COPS2: variants seen among roughly 807,000 people sequenced by gnomAD.
The protein encoded by COPS2 is COP9 signalosome subunit 2.
Under a neutral mutation model 66.1 loss-of-function variants are expected in COPS2, and 10 were observed. The observed-to-expected ratio is 0.15, with a 90% CI of 0.09 to 0.26. The LOEUF (loss-of-function observed/expected upper bound fraction) is 0.26. Ranked by LOEUF, COPS2 falls within the 10% of genes least tolerant of loss-of-function variation. COPS2 has a pLI of 1.00. For missense variants in COPS2, 215 were observed against 513.3 expected (o/e 0.42, Z 5.62); for synonymous variants, 179 against 171.3 (o/e 1.04, Z -0.35).
At chr15:49,136,277 TA>T (rs1566883166) in intron 6 of COPS2, among the ~76,000 whole-genome samples, 2 of 152,194 alleles carry the variant, frequency 1.3e-5, no homozygotes, top group Admixed American at 1.3e-4. Context: ...TTTAAACTAG[TA>T]TTAAATGATG....
chr15:49,136,828 A>G (rs1304808714), intron 6 of COPS2, among the ~76,000 whole-genome samples: 1 of 151,968 alleles, frequency 6.6e-6, no homozygotes, highest in Non-Finnish European at 1.5e-5. Flanking sequence ...CTCTACAAAA[A>G]AATACAAAAA....
intron 1 of COPS2, among the ~76,000 whole-genome samples, chr15:49,147,674 G>C (rs1451271465): frequency 6.8e-6 from 1 of 147,608 alleles, no homozygotes; most frequent in Non-Finnish European, 1.5e-5. Flanking sequence ...GTAACTTCTG[G>C]GACCTGATAG....
intron 1 of COPS2, among the ~76,000 whole-genome samples, chr15:49,150,873 T>C (rs138774088): frequency 6.6e-6 from 1 of 152,208 alleles, no homozygotes; most frequent in African/African-American, 2.4e-5. Flanking sequence ...CTTATCTATA[T>C]AACTAACCTG....
chr15:49,153,862 T>A (rs2084380329), intron 1 of COPS2, among the ~76,000 whole-genome samples: 1 of 151,930 alleles, frequency 6.6e-6, no homozygotes, highest in African/African-American at 2.4e-5. Context: ...GAGAGTAGAA[T>A]GATAGGAAGG....
At chr15:49,136,000 G>T (rs2084248351) in intron 6 of COPS2, among the ~76,000 whole-genome samples, 1 of 152,146 alleles carries the variant, frequency 6.6e-6, no homozygotes, top group Non-Finnish European at 1.5e-5. Flanking sequence ...ACCTCCAGTT[G>T]GTTATGCATC....
chr15:49,129,683 T>G, intron 10 of COPS2, 124 bp from the exon 11 acceptor site: 1 of 433,508 alleles, frequency 2.3e-6, no homozygotes, highest in Non-Finnish European at 4.1e-6. Context: ...ATATAAAGTG[T>G]TTAGATTTTA....
intron 1 of COPS2, among the ~76,000 whole-genome samples, chr15:49,149,371 G>A (rs603868): frequency 0.53 from 79,986 of 152,092 alleles, 21,544 homozygotes; most frequent in Admixed American, 0.63. Context: ...ATACTGCTGG[G>A]AAATGTGTTC....
chr15:49,141,508 GAA>G (rs543158108), intron 3 of COPS2, among the ~76,000 whole-genome samples: 1 of 141,638 alleles, frequency 7.1e-6, no homozygotes, highest in Non-Finnish European at 1.6e-5. Flanking sequence ...CATCTCAAAA[GAA>G]AAAAAAAAAG....
rs1207048242 is a variant in COPS2, at chr15:49,137,354, G to A, written c.456C>T (p.Asn152=). The part of the protein sequence containing the change: ...AKNDRLWFKT[N]TKLGKLYLER... ...TAAGTATTATAACGGTTACCTTTGT[G>A]TTTGTCTTAAACCACAGTCTATCAT... Residue 152 remains asparagine, a synonymous_variant, in exon 5 of 13, where the codon AAC becomes AAT. Transcript: ENST00000388901. 1 of 1,607,098 alleles carries A rather than the reference G, an allele frequency of 6.2e-7. No homozygotes were observed. The highest frequency in any genetic ancestry group is 1.7e-5 in the Admixed American group (1 of 59,702).
chr15:49,139,661 A>T lies in COPS2; in HGVS notation c.247-8T>A. 1 of 1,578,316 alleles carries T rather than the reference A, an allele frequency of 6.3e-7. No individual in the cohort carries two copies. The highest frequency in any genetic ancestry group is 8.6e-7 in the Non-Finnish European group (1 of 1,164,298). ...CATTTCTGGAAAGTTTGTCTGTGAG[A>T]AAAGAAAAATGAATTATCAGATGCA... On this transcript the variant is annotated splice_region_variant and splice_polypyrimidine_tract_variant and intron_variant, in intron 3 of 12. Transcript: ENST00000388901.
chr15:49,129,306 T>TAAA (rs200431169), intron 11 of COPS2, among the ~76,000 whole-genome samples, 171 bp downstream of exon 11: 1 of 143,480 alleles, frequency 7.0e-6, no homozygotes, highest in African/African-American at 2.5e-5. Context: ...CCCTGTCTCT[T>TAAA]AAAAAAAAAA....
rs1294525120 is a variant in COPS2 at position 49,124,313 on chromosome 15, A to C, written c.*3637T>G. ...CTTGAACCCGGGAGGTGGAGGTGGC[A>C]GTGAACTGAGATTGCGCCACTGCAC... On this transcript the variant is annotated 3_prime_UTR_variant, in exon 13 of 13. Transcript: ENST00000388901. 6.6e-6 allele frequency: 1 copy of C among 152,222 alleles called. No homozygotes were observed. The highest frequency in any genetic ancestry group is 6.5e-5 in the Admixed American group (1 of 15,272). 9.4% of individuals were successfully genotyped at this position (152,222 alleles called of 1,614,324 possible).
chr15:49,134,805 A>T (rs2084238870), intron 6 of COPS2, among the ~76,000 whole-genome samples: 1 of 152,200 alleles, frequency 6.6e-6, no homozygotes, highest in Admixed American at 6.5e-5. Context: ...TGGATGCCTG[A>T]AACTATGTAT....
intron 6 of COPS2, 62 bp downstream of exon 6, chr15:49,137,088 T>C: frequency 2.0e-6 from 2 of 1,009,122 alleles, no homozygotes; most frequent in Non-Finnish European, 2.9e-6. Flanking sequence ...TTGAATATAA[T>C]TATTGCTTAT....
chr15:49,147,637 GAATACTTAT>G (rs2084329689), intron 1 of COPS2, among the ~76,000 whole-genome samples: 1 of 145,662 alleles, frequency 6.9e-6, no homozygotes, highest in African/African-American at 2.6e-5. Context: ...TTCAGTCACG[GAATACTTAT>G]AATAAGAGTA....
chr15:49,140,576 C>T (rs2084283821), intron 3 of COPS2, among the ~76,000 whole-genome samples: 1 of 152,008 alleles, frequency 6.6e-6, no homozygotes, highest in South Asian at 2.1e-4. Flanking sequence ...GAGGTTGTTC[C>T]AGGAAACAAG....
chr15:49,155,019 T>C (rs552904591), intron 1 of COPS2, among the ~76,000 whole-genome samples: 21 of 152,242 alleles, frequency 1.4e-4, no homozygotes, highest in African/African-American at 5.1e-4. Context: ...ATTTAAGCTA[T>C]GTCTCCAGGA....
At chr15:49,132,706 A>AC (rs2084220881) in intron 9 of COPS2, among the ~76,000 whole-genome samples, 1 of 152,042 alleles carries the variant, frequency 6.6e-6, no homozygotes, top group Non-Finnish European at 1.5e-5. Flanking sequence ...TTTTTAATGA[A>AC]TAAAACCCAC....
intron 3 of COPS2, among the ~76,000 whole-genome samples, chr15:49,139,939 T>C (rs2084280186): frequency 6.6e-6 from 1 of 152,208 alleles, no homozygotes; most frequent in African/African-American, 2.4e-5. Flanking sequence ...ATTTAAATCA[T>C]AAAACCTACT....
Sources: allele counts gnomAD v4.1 joint callset (sites outside exome capture counted in the v4.1 genomes callset), GRCh38; gene constraint gnomAD v4.1.1; transcripts MANE v1.5; gene names NCBI Gene and HGNC (gene_info 2026-07-23, HGNC 2026-07-21).